The following PTPRK variants were observed in gnomAD, a reference collection of about 807,000 sequenced individuals.
PTPRK encodes receptor-type tyrosine-protein phosphatase kappa.
Under a neutral mutation model 178.0 loss-of-function variants are expected in PTPRK, and 75 were observed. The ratio of observed to expected loss-of-function variants is 0.42; its 90% CI spans 0.35 to 0.51. The LOEUF (loss-of-function observed/expected upper bound fraction) is 0.51. PTPRK is among the 20% of genes least tolerant of loss of function. PTPRK has a pLI of 0.02. For missense variants in PTPRK, 1,441 were observed against 1,797.8 expected (o/e 0.80, Z 3.59); for synonymous variants, 637 against 620.6 (o/e 1.03, Z -0.39).
At chr6:128,477,852 C>A (rs189923590) in intron 1 of PTPRK, among the ~76,000 whole-genome samples, 1 of 152,028 alleles carries the variant, frequency 6.6e-6, no homozygotes, top group East Asian at 1.9e-4. Flanking sequence ...TTTCATAGGA[C>A]AGAAATAAGA....
chr6:128,520,532 C>A lies in PTPRK; in HGVS notation c.-174G>T. 3.4e-6 allele frequency: 2 copies of A among 590,484 alleles called. No individual in the cohort carries two copies. The highest frequency in any genetic ancestry group is 6.1e-6 in the Non-Finnish European group (2 of 330,464). The allele number at this position is 590,484 out of a possible 1,614,324, so 36.6% of individuals were successfully genotyped here. On this transcript the variant is annotated 5_prime_UTR_variant, in exon 1 of 30. Coordinates refer to ENST00000368226, the MANE Select transcript of PTPRK (RefSeq NM_002844.4). ...CGCCAAACTACCTCAGGGGCGAAAG[C>A]GTCGCCAGCGTCGCCGGCCGGCCGC...
intron 6 of PTPRK, among the ~76,000 whole-genome samples, chr6:128,211,851 G>C (rs1183390329): frequency 6.6e-6 from 1 of 151,954 alleles, no homozygotes; most frequent in Non-Finnish European, 1.5e-5. Flanking sequence ...TCAAACTAAT[G>C]AAGTAATGTC....
At chr6:128,205,302 C>T (rs910616444) in intron 6 of PTPRK, among the ~76,000 whole-genome samples, 1 of 152,064 alleles carries the variant, frequency 6.6e-6, no homozygotes, top group Non-Finnish European at 1.5e-5. Flanking sequence ...GGAAGAGCGG[C>T]TAATGGATTC....
chr6:128,279,946 T>C (rs1169961937), intron 3 of PTPRK, among the ~76,000 whole-genome samples: 2 of 152,194 alleles, frequency 1.3e-5, no homozygotes, highest in African/African-American at 2.4e-5. Context: ...AAAGTCTTTG[T>C]TAATCACTGA....
chr6:128,235,004 GT>G (rs1812965454), intron 5 of PTPRK, among the ~76,000 whole-genome samples: 1 of 152,080 alleles, frequency 6.6e-6, no homozygotes, highest in East Asian at 1.9e-4. Context: ...AACTTAAAAA[GT>G]GGAATTGGAA....
At chr6:128,331,254 C>A (rs1326479967) in intron 2 of PTPRK, among the ~76,000 whole-genome samples, 1 of 152,070 alleles carries the variant, frequency 6.6e-6, no homozygotes, top group Non-Finnish European at 1.5e-5. Context: ...GTGTTTCCTG[C>A]CCTGCATTCC....
Position 128,402,445 on chromosome 6 carries a change from G to A in PTPRK, c.101-4757C>T, listed in dbSNP as rs534129739. Among the ~76,000 whole-genome samples, 5 of 152,014 alleles carry A rather than the reference G, an allele frequency of 3.3e-5. No homozygotes were observed. The South Asian group carries it at 1.0e-3, about 32-fold the overall frequency. ...TTTTTGTATTTTTAGTAGAGACGGG[G>A]TTTCACCATGTGGGGCCAGGATGGT... On this transcript the variant is annotated intron_variant, in intron 1 of 29. Transcript: ENST00000368226.
chr6:128,299,523 G>C (rs949361541), intron 3 of PTPRK, among the ~76,000 whole-genome samples: 26 of 151,070 alleles, frequency 1.7e-4, no homozygotes, highest in African/African-American at 6.3e-4. Context: ...CCAAAACAGA[G>C]ATATAGATCA....
Position 127,996,973 on chromosome 6 carries a change from G to A in PTPRK, c.2695C>T (p.Gln899Ter). The A allele has an allele frequency of 6.2e-7, 1 of 1,611,414 alleles. No homozygotes were observed. The highest frequency in any genetic ancestry group is 8.5e-7 in the Non-Finnish European group (1 of 1,178,618). ...TTAGCTACATCCCAAGATGCTGACTGTCCTTCAAAAAAGCTCTGGGAAAAC... is the reference window on the plus strand; with the variant it reads ...TTAGCTACATCCCAAGATGCTGACTATCCTTCAAAAAAGCTCTGGGAAAAC... Reference protein sequence around the residue: ...KEEYESFFEGQSASWDVAKKD... With the variant: ...KEEYESFFEG Residue 899 changes from glutamine to a stop codon, truncating the protein, a stop_gained, in exon 17 of 30, where the codon CAG (glutamine) becomes TAG (stop). Transcript: ENST00000368226. LOFTEE classifies it high-confidence loss of function.
chr6:128,459,797 A>T (rs1453757899), intron 1 of PTPRK, among the ~76,000 whole-genome samples: 2 of 152,208 alleles, frequency 1.3e-5, no homozygotes, highest in African/African-American at 4.8e-5. Context: ...CTATAAAGAA[A>T]TACCTGAAAC....
At chr6:128,485,888 G>C (rs1314396882) in intron 1 of PTPRK, among the ~76,000 whole-genome samples, 2 of 152,200 alleles carry the variant, frequency 1.3e-5, no homozygotes, top group African/African-American at 4.8e-5. Context: ...TTTCTTGAGT[G>C]ATAAACACAC....
At chr6:128,368,303 TAAAC>T (rs1250017241) in intron 2 of PTPRK, among the ~76,000 whole-genome samples, 3 of 151,080 alleles carry the variant, frequency 2.0e-5, no homozygotes, top group Non-Finnish European at 4.4e-5. Flanking sequence ...TTACTCTATT[TAAAC>T]AAACAAAACA....
At chr6:128,465,271 C>CTT (rs200512681) in intron 1 of PTPRK, among the ~76,000 whole-genome samples, 1 of 151,432 alleles carries the variant, frequency 6.6e-6, no homozygotes, top group Non-Finnish European at 1.5e-5. Context: ...AAACAAGTTG[C>CTT]TTTTTTTTCA....
intron 1 of PTPRK, among the ~76,000 whole-genome samples, chr6:128,467,674 C>T (rs776028581): frequency 6.6e-6 from 1 of 152,338 alleles, no homozygotes; most frequent in Middle Eastern, 3.4e-3. Flanking sequence ...ACCTTTCTGG[C>T]CACTCGTAGG....
chr6:128,363,061 C>T (rs747286912), intron 2 of PTPRK, among the ~76,000 whole-genome samples: 1 of 152,128 alleles, frequency 6.6e-6, no homozygotes, highest in Non-Finnish European at 1.5e-5. Flanking sequence ...ATTACCTTAA[C>T]TCTATAAACT....
At chr6:128,027,720 G>A (rs568302108) in intron 13 of PTPRK, among the ~76,000 whole-genome samples, 26 of 152,120 alleles carry the variant, frequency 1.7e-4, no homozygotes, top group African/African-American at 5.8e-4. Context: ...TCAGCCACCC[G>A]AGTAGCTGGG....
chr6:128,395,509 A>T (rs982210266), intron 2 of PTPRK, among the ~76,000 whole-genome samples: 6 of 152,202 alleles, frequency 3.9e-5, no homozygotes, highest in Non-Finnish European at 7.4e-5. Flanking sequence ...CATTTCCATA[A>T]ATCAACATCT....
chr6:128,108,479 G>A (rs988844781), intron 7 of PTPRK, among the ~76,000 whole-genome samples: 3 of 152,062 alleles, frequency 2.0e-5, no homozygotes, highest in African/African-American at 7.2e-5. Flanking sequence ...TTTTACAAAA[G>A]AGGAAATTGA....
At chr6:128,512,321 T>C (rs1198359559) in intron 1 of PTPRK, among the ~76,000 whole-genome samples, 2 of 152,226 alleles carry the variant, frequency 1.3e-5, no homozygotes, top group Admixed American at 1.3e-4. Context: ...GTATCAAAAA[T>C]ATAGAGAACG....
Sources: gnomAD v4.1 joint callset for allele counts (sites outside exome capture counted in the v4.1 genomes callset) on GRCh38, gnomAD v4.1.1 for gene constraint, MANE v1.5 for transcripts, NCBI Gene and HGNC (gene_info 2026-07-23, HGNC 2026-07-21) for gene names.